Variants in ANO6 observed in about 807,000 individuals in gnomAD.
ANO6 encodes the protein anoctamin-6.
Under a neutral mutation model 117.5 loss-of-function variants are expected in ANO6, and 106 were observed. That is an observed-to-expected ratio of 0.90 (90% CI 0.77 to 1.06). The LOEUF (loss-of-function observed/expected upper bound fraction) is 1.06, where lower values mean the gene tolerates loss of function less well. ANO6 is among the 50% of genes least tolerant of loss of function. ANO6 has a pLI of 0.00. For synonymous variants in ANO6, 367 were observed against 385.1 expected (o/e 0.95, Z 0.55); for missense variants, 955 against 1,121.1 (o/e 0.85, Z 2.12).
chr12:45,413,769 G>C (rs573650396), intron 16 of ANO6, among the ~76,000 whole-genome samples: 1 of 151,240 alleles, frequency 6.6e-6, no homozygotes, highest in East Asian at 2.0e-4. Context: ...AAATACAGAG[G>C]GGGAAGAAAG....
intron 9 of ANO6, 57 bp downstream of exon 9, chr12:45,367,850 A>G: frequency 8.1e-7 from 1 of 1,240,510 alleles, no homozygotes; most frequent in Non-Finnish European, 1.2e-6. Flanking sequence ...TTCTAATGCT[A>G]ATTTAGATAA....
At chr12:45,261,478 C>A (rs1173079952) in intron 1 of ANO6, among the ~76,000 whole-genome samples, 1 of 152,124 alleles carries the variant, frequency 6.6e-6, no homozygotes, top group East Asian at 1.9e-4. Context: ...TCTTGTTTAC[C>A]CAAGAGGGAA....
chr12:45,247,391 G>A (rs1947841528), intron 1 of ANO6, among the ~76,000 whole-genome samples: 1 of 152,128 alleles, frequency 6.6e-6, no homozygotes, highest in African/African-American at 2.4e-5. Context: ...AATGCTATGA[G>A]GTAGGTGCTG....
At chr12:45,392,764 A>C (rs1179780972) in intron 12 of ANO6, among the ~76,000 whole-genome samples, 1 of 152,246 alleles carries the variant, frequency 6.6e-6, no homozygotes, top group East Asian at 1.9e-4. Flanking sequence ...CCTGACTGTT[A>C]GAAGGAAAAC....
chr12:45,258,050 A>C (rs1330754033), intron 1 of ANO6, among the ~76,000 whole-genome samples: 2 of 152,376 alleles, frequency 1.3e-5, no homozygotes, highest in East Asian at 1.9e-4. Context: ...ATAAAGAAAA[A>C]AAATGAAGTA....
At chr12:45,418,199 T>G (rs1738604032) in intron 17 of ANO6, among the ~76,000 whole-genome samples, 1 of 152,190 alleles carries the variant, frequency 6.6e-6, no homozygotes, top group East Asian at 1.9e-4. Flanking sequence ...GTCTGGACAA[T>G]GGTTACAGTT....
chr12:45,216,368 A>AC lies in ANO6; in HGVS notation c.47_48insC (p.Glu16AspfsTer29). 1 of 1,613,000 alleles carries AC rather than the reference A, an allele frequency of 6.2e-7. No homozygotes were observed. Among genetic ancestry groups the AC allele is most frequent in the Non-Finnish European group, 8.5e-7 (1 of 1,179,476 alleles). On this transcript the variant is annotated frameshift_variant, in exon 1 of 20. Transcript: ENST00000320560. LOFTEE classifies it high-confidence loss of function. The stretch of plus-strand genomic sequence containing the variant: ...GTTTTGCTACAAATGGAGGAGGAGG[A>AC]GGACGACGACGATGGGGATATCGGT...
chr12:45,289,740 G>A (rs1939034614), intron 1 of ANO6, among the ~76,000 whole-genome samples: 1 of 152,194 alleles, frequency 6.6e-6, no homozygotes, highest in Non-Finnish European at 1.5e-5. Flanking sequence ...ATGATTAGAG[G>A]AAATGAGACC....
At chr12:45,308,363 T>C (rs4583037) in intron 2 of ANO6, among the ~76,000 whole-genome samples, 3,240 of 151,956 alleles carry the variant, frequency 0.021, 121 homozygotes, top group African/African-American at 0.073. Context: ...ATTAGTTCAG[T>C]AGATTTGATA....
intron 10 of ANO6, among the ~76,000 whole-genome samples, chr12:45,386,528 G>C (rs757239433): frequency 6.6e-6 from 1 of 151,636 alleles, no homozygotes; most frequent in African/African-American, 2.4e-5. Context: ...GCATCCATCC[G>C]TCTGCCTTCT....
At chr12:45,381,617 A>T (rs1942170634) in intron 10 of ANO6, among the ~76,000 whole-genome samples, 1 of 152,136 alleles carries the variant, frequency 6.6e-6, no homozygotes. Flanking sequence ...GAAATAAGGA[A>T]CTAAAACACT....
At chr12:45,253,188 T>G (rs773416838) in intron 1 of ANO6, among the ~76,000 whole-genome samples, 1 of 152,196 alleles carries the variant, frequency 6.6e-6, no homozygotes, top group African/African-American at 2.4e-5. Context: ...CTATTTAATA[T>G]CATGTTTGTT....
At chr12:45,305,153 C>T (rs1377675248) in intron 2 of ANO6, among the ~76,000 whole-genome samples, 1 of 152,094 alleles carries the variant, frequency 6.6e-6, no homozygotes, top group African/African-American at 2.4e-5. Flanking sequence ...TACCCCAAAG[C>T]TTAGGAGCTG....
At chr12:45,387,008 C>T (rs1942317177) in intron 10 of ANO6, among the ~76,000 whole-genome samples, 1 of 152,234 alleles carries the variant, frequency 6.6e-6, no homozygotes, top group Admixed American at 6.5e-5. Flanking sequence ...TCAACTATAC[C>T]TGTCAGTTCA....
At chr12:45,322,134 G>A (rs997223348) in intron 2 of ANO6, among the ~76,000 whole-genome samples, 1 of 152,062 alleles carries the variant, frequency 6.6e-6, no homozygotes, top group African/African-American at 2.4e-5. Context: ...AAATGGTTTT[G>A]ATCTTGCAGG....
intron 8 of ANO6, among the ~76,000 whole-genome samples, chr12:45,364,202 T>A (rs185369331): frequency 2.0e-4 from 31 of 152,330 alleles, no homozygotes; most frequent in African/African-American, 7.2e-4. Context: ...GAATCACTTT[T>A]CTCTTCCTGC....
chr12:45,357,410 T>C lies in ANO6; in HGVS notation c.984T>C (p.Asp328=). The change falls in exon 8 of 20, where the codon GAT becomes GAC. Residue 328 remains aspartate (D), a synonymous_variant. Transcript: ENST00000320560. ...ACFLYGYLNQ[D]NCTWSKEVCH... ...TTCTCTATGGATATCTTAATCAAGATAACTGTACATGGAGGTAACCTCTGT... is the reference window on the plus strand; with the variant it reads ...TTCTCTATGGATATCTTAATCAAGACAACTGTACATGGAGGTAACCTCTGT... 6.2e-7 allele frequency: 1 copy of C among 1,613,680 alleles called. No individual in the cohort carries two copies. The highest frequency in any genetic ancestry group is 8.5e-7 in the Non-Finnish European group (1 of 1,179,988).
At chr12:45,268,067 TACAGATATCTCTATATCTGC>T (rs1234733497) in intron 1 of ANO6, among the ~76,000 whole-genome samples, 2 of 152,190 alleles carry the variant, frequency 1.3e-5, no homozygotes, top group African/African-American at 2.4e-5. Flanking sequence ...TCAGAGAGAG[TACAGATATCTCTATATCTGC>T]ACACAGATTA....
At chr12:45,405,894 C>T (rs976913999) in intron 15 of ANO6, among the ~76,000 whole-genome samples, 5 of 151,782 alleles carry the variant, frequency 3.3e-5, no homozygotes, top group African/African-American at 1.2e-4. Context: ...GCAACAAGAG[C>T]GAAACTCCAT....
Sources: gnomAD v4.1 joint callset for allele counts (sites outside exome capture counted in the v4.1 genomes callset) on GRCh38, gnomAD v4.1.1 for gene constraint, MANE v1.5 for transcripts, NCBI Gene and HGNC (gene_info 2026-07-23, HGNC 2026-07-21) for gene names.